CNTN4: variants seen among roughly 807,000 people sequenced by gnomAD.
CNTN4 encodes the protein contactin-4.
In CNTN4, 77 loss-of-function variants were observed where a neutral mutation model predicts 122.5. That is an observed-to-expected ratio of 0.63 (90% CI 0.52 to 0.76). CNTN4 has a LOEUF of 0.76. Ranked by LOEUF, CNTN4 falls within the 30% of genes least tolerant of loss-of-function variation. The pLI is 0.00. For missense variants in CNTN4, 1,256 were observed against 1,259.1 expected (o/e 1.00, Z 0.04); for synonymous variants, 512 against 447.0 (o/e 1.15, Z -1.83).
At chr3:2,808,317 A>C (rs182164326) in intron 6 of CNTN4, among the ~76,000 whole-genome samples, 2 of 152,282 alleles carry the variant, frequency 1.3e-5, no homozygotes, top group East Asian at 3.9e-4. Context: ...TTCTTCAGAG[A>C]ATATTCATTC....
At chr3:2,630,417 C>T (rs1200584967) in intron 4 of CNTN4, among the ~76,000 whole-genome samples, 13 of 152,152 alleles carry the variant, frequency 8.5e-5, no homozygotes, top group South Asian at 6.2e-4. Flanking sequence ...CCAGCCTGGG[C>T]GACAGATTGA....
intron 3 of CNTN4, among the ~76,000 whole-genome samples, chr3:2,445,041 A>G (rs1232986138): frequency 6.6e-6 from 1 of 151,408 alleles, no homozygotes; most frequent in African/African-American, 2.4e-5. Flanking sequence ...CTATCTATCT[A>G]TCTGATTGGC....
intron 3 of CNTN4, among the ~76,000 whole-genome samples, chr3:2,343,079 T>C (rs1468978862): frequency 6.6e-6 from 1 of 152,180 alleles, no homozygotes; most frequent in Non-Finnish European, 1.5e-5. Flanking sequence ...GGTATGTGAA[T>C]TACATCTCAA....
In CNTN4 at chr3:2,595,194, A is replaced by T. The variant is rs141108753; in HGVS notation, c.55+23636A>T. On this transcript the variant is annotated intron_variant, in intron 4 of 24. Transcript: ENST00000418658. The stretch of plus-strand genomic sequence containing the variant: ...AATGTTGGCTAATATTACACAATTG[A>T]CTGAGTATTTCTGATGCATCCTTTC... Among the ~76,000 whole-genome samples, 46 of 152,336 alleles carry T rather than the reference A, an allele frequency of 3.0e-4. No homozygotes were observed. In the East Asian group the frequency reaches 8.9e-3, roughly 29 times the overall value.
chr3:2,674,666 G>T (rs768167425), intron 4 of CNTN4, among the ~76,000 whole-genome samples: 17 of 152,058 alleles, frequency 1.1e-4, no homozygotes, highest in Admixed American at 5.9e-4. Flanking sequence ...GTGGAGGCAG[G>T]ACAGTCACCT....
chr3:2,130,571 T>G (rs2034403512), intron 2 of CNTN4, among the ~76,000 whole-genome samples: 1 of 152,202 alleles, frequency 6.6e-6, no homozygotes, highest in Non-Finnish European at 1.5e-5. Context: ...TTATGTAAAT[T>G]TGTTCCTTTG....
chr3:2,428,502 A>G (rs2047931453), intron 3 of CNTN4, among the ~76,000 whole-genome samples: 1 of 152,142 alleles, frequency 6.6e-6, no homozygotes, highest in African/African-American at 2.4e-5. Flanking sequence ...GGCTGCCCTT[A>G]ACATTTTTTC....
chr3:2,747,418 ATAAAAATAAAAATAAAAAAT>A (rs1330718568), intron 6 of CNTN4, among the ~76,000 whole-genome samples: 13 of 5,696 alleles, frequency 2.3e-3, no homozygotes, highest in African/African-American at 3.7e-3. Context: ...AAAAAAAAAA[ATAAAAATAAAAATAAAAAAT>A]AAAATACTAT....
chr3:2,792,580 C>A (rs1376812704), intron 6 of CNTN4, among the ~76,000 whole-genome samples: 1 of 152,216 alleles, frequency 6.6e-6, no homozygotes, highest in Non-Finnish European at 1.5e-5. Flanking sequence ...AGCAAATGCA[C>A]TCAGATTTTT....
chr3:2,272,245 A>T lies in CNTN4; in HGVS notation c.-144-66933A>T, dbSNP rs567651436. ...CAAAATAGAAAATTAGGTAAAGATG[A>T]TTAAAATCATCCACAATCCCAGTTT... On this transcript the variant is annotated intron_variant, in intron 2 of 24. Transcript: ENST00000418658. Among the ~76,000 whole-genome samples, 24 of 152,286 alleles carry T rather than the reference A, an allele frequency of 1.6e-4. No individual in the cohort carries two copies. In the South Asian group the frequency reaches 4.6e-3, roughly 29 times the overall value.
chr3:2,524,204 C>A (rs1201492597), intron 3 of CNTN4, among the ~76,000 whole-genome samples: 5 of 152,056 alleles, frequency 3.3e-5, no homozygotes, highest in African/African-American at 1.2e-4. Flanking sequence ...TGTGCCTCGT[C>A]TGGATGTTTT....
intron 2 of CNTN4, among the ~76,000 whole-genome samples, chr3:2,102,330 AT>A (rs1289825090): frequency 6.6e-6 from 1 of 152,168 alleles, no homozygotes; most frequent in Non-Finnish European, 1.5e-5. Context: ...TAGTTCCTTA[AT>A]TTCTGTGAGC....
In CNTN4 at chr3:2,781,773, G is replaced by A. The variant is rs533578746; in HGVS notation, c.358+36076G>A. 5.6e-4 allele frequency among the ~76,000 whole-genome samples: 75 copies of A among 134,712 alleles called. 1 individual carries two copies. The highest frequency in any genetic ancestry group is 9.2e-4 in the Non-Finnish European group (60 of 65,506). The allele number at this position is 134,712 out of a possible 152,430, so 88.4% of individuals were successfully genotyped here. ...GGAGTGTCGCTCTGTCGCCCAGGCT[G>A]GAGGGCAGTAGCGCGATCTCTGCTC... On this transcript the variant is annotated intron_variant, in intron 6 of 24. Transcript: ENST00000418658.
chr3:2,691,789 T>A (rs1208491752), intron 4 of CNTN4, among the ~76,000 whole-genome samples: 1 of 152,178 alleles, frequency 6.6e-6, no homozygotes, highest in Non-Finnish European at 1.5e-5. Flanking sequence ...GCTGCAAAAA[T>A]GTGCAAGCAA....
At chr3:2,422,477 T>C (rs1326090266) in intron 3 of CNTN4, among the ~76,000 whole-genome samples, 3 of 152,216 alleles carry the variant, frequency 2.0e-5, no homozygotes, top group Admixed American at 6.5e-5. Flanking sequence ...TGATTTGTAA[T>C]AGTGAGCACT....
At chr3:2,354,289 G>A (rs2044773236) in intron 3 of CNTN4, among the ~76,000 whole-genome samples, 1 of 152,200 alleles carries the variant, frequency 6.6e-6, no homozygotes, top group Non-Finnish European at 1.5e-5. Flanking sequence ...CCAGCACTTT[G>A]GGAGGCCGAG....
chr3:3,000,339 GA>G (rs1315196887), intron 14 of CNTN4, among the ~76,000 whole-genome samples: 1 of 143,088 alleles, frequency 7.0e-6, no homozygotes, highest in Non-Finnish European at 1.5e-5. Context: ...GGGATGATAG[GA>G]ACAGCTGTAG....
chr3:2,102,387 C>T (rs2032050426), intron 2 of CNTN4, among the ~76,000 whole-genome samples: 1 of 152,210 alleles, frequency 6.6e-6, no homozygotes, highest in Admixed American at 6.5e-5. Flanking sequence ...TATTTCACGG[C>T]ATCACGATAG....
intron 14 of CNTN4, among the ~76,000 whole-genome samples, chr3:3,010,464 TTAAAA>T (rs1178986029): frequency 1.4e-5 from 1 of 73,000 alleles, no homozygotes; most frequent in Non-Finnish European, 3.0e-5. Flanking sequence ...GCTTATGCCA[TTAAAA>T]AAAAAAAAAA....
Sources: gnomAD v4.1 joint callset for allele counts (sites outside exome capture counted in the v4.1 genomes callset) on GRCh38, gnomAD v4.1.1 for gene constraint, MANE v1.5 for transcripts, NCBI Gene and HGNC (gene_info 2026-07-23, HGNC 2026-07-21) for gene names.